The following SLC25A53 variants were observed in gnomAD, a reference collection of about 807,000 sequenced individuals.
SLC25A53 encodes the protein solute carrier family 25 member 53, also known as mitochondrial carrier triple repeat protein 6.
In SLC25A53, 5 loss-of-function variants were observed where a neutral mutation model predicts 15.0. The ratio of observed to expected loss-of-function variants is 0.33; its 90% confidence interval spans 0.17 to 0.70. SLC25A53 has a LOEUF of 0.70. Ranked by LOEUF, SLC25A53 falls within the 30% of genes least tolerant of loss-of-function variation. The pLI is 0.67. For missense variants in SLC25A53, 216 were observed against 241.6 expected, an observed-to-expected ratio of 0.89 and a Z score of 0.70; for synonymous variants, 95 against 100.0, an observed-to-expected ratio of 0.95 and a Z score of 0.30.
In SLC25A53 at chrX:104,106,505, G is replaced by A. The variant is rs781906678; in HGVS notation, c.-31-1217C>T. Among the ~76,000 whole-genome samples the A allele has an allele frequency of 6.3e-5, 7 of 111,065 alleles. No homozygotes were observed. In the South Asian group the frequency reaches 2.7e-3, roughly 43 times the overall value. ...AGGACGGAGGGCTTCCATCTACAGT[G>A]ACAGGGACACAAAGCTTGGCAGGAA... is the stretch of plus-strand genomic sequence containing the variant. On this transcript the variant is annotated intron_variant, in intron 1 of 1. Transcript: ENST00000594199.
chrX:104,152,916 T>C (rs1556370642), intron 1 of SLC25A53, among the ~76,000 whole-genome samples: 1 of 111,488 alleles, frequency 9.0e-6, no homozygotes, highest in Non-Finnish European at 1.9e-5. Context: ...CCTAGCGAGA[T>C]TTGGGATGAA....
chrX:104,120,379 G>T (rs1371641470), intron 1 of SLC25A53, among the ~76,000 whole-genome samples: 1 of 111,708 alleles, frequency 9.0e-6, no homozygotes, highest in Non-Finnish European at 1.9e-5. Flanking sequence ...ACTTGACATT[G>T]TCAACAAAGC....
chrX:104,114,237 G>A, intron 1 of SLC25A53: 1 of 1,208,986 alleles, frequency 8.3e-7, no homozygotes, highest in Non-Finnish European at 1.1e-6. Context: ...AAATGGCAGA[G>A]AGAAACATGA....
chrX:104,127,614 T>A (rs943865161), intron 1 of SLC25A53, among the ~76,000 whole-genome samples: 1 of 112,259 alleles, frequency 8.9e-6, no homozygotes, highest in Non-Finnish European at 1.9e-5. Flanking sequence ...CATGGGACTC[T>A]GTACTTTTGC....
intron 1 of SLC25A53, among the ~76,000 whole-genome samples, chrX:104,121,719 C>A (rs2075393147): frequency 1.9e-5 from 2 of 106,795 alleles, no homozygotes; most frequent in Non-Finnish European, 1.9e-5. Context: ...ATGGAACTTT[C>A]CAAACCCACA....
chrX:104,132,056 T>G (rs1402281328), intron 1 of SLC25A53, among the ~76,000 whole-genome samples: 1 of 112,304 alleles, frequency 8.9e-6, no homozygotes, highest in African/African-American at 3.2e-5. Flanking sequence ...CTAAAAAGCT[T>G]GTCAATTTAT....
intron 1 of SLC25A53, among the ~76,000 whole-genome samples, chrX:104,155,578 T>C (rs1556371226): frequency 9.0e-6 from 1 of 111,683 alleles, no homozygotes; most frequent in African/African-American, 3.3e-5. Flanking sequence ...TTAGGATTTC[T>C]GGTGGGTGCA....
intron 1 of SLC25A53, among the ~76,000 whole-genome samples, chrX:104,124,839 C>CTTTT (rs34662574): frequency 5.3e-4 from 33 of 62,273 alleles, no homozygotes; most frequent in East Asian, 1.3e-3. Context: ...AACTTTTTTC[C>CTTTT]TTTTTTTTTT....
In SLC25A53 at chrX:104,104,841, T is replaced by C; in HGVS notation, c.417A>G (p.Gln139=). The C allele has an allele frequency of 1.7e-6, 2 of 1,211,481 alleles. No individual in the cohort carries two copies. Among genetic ancestry groups the C allele is most frequent in the African/African-American group, 3.5e-5 (2 of 57,661 alleles). Reference sequence around the variant, plus strand: ...GCTTGCGACCATCCTGGAGCACATTTTGCACCCTTTCAAAGGGGCTGAGTG... The same window carrying C: ...GCTTGCGACCATCCTGGAGCACATTCTGCACCCTTTCAAAGGGGCTGAGTG... The part of the protein sequence containing the change: ...AVALSPFERV[Q]NVLQDGRKQA... Residue 139 remains glutamine (Q), a synonymous_variant, in exon 2 of 2, where the codon CAA becomes CAG. Transcript: ENST00000594199.
chrX:104,114,287 A>G, intron 1 of SLC25A53: 2 of 1,210,808 alleles, frequency 1.7e-6, no homozygotes, highest in Non-Finnish European at 2.2e-6. Context: ...CAGGGGAAAG[A>G]AACCTTTGAA....
chrX:104,113,792 G>T, intron 1 of SLC25A53: 1 of 248,652 alleles, frequency 4.0e-6, no homozygotes, highest in Non-Finnish European at 7.1e-6. Flanking sequence ...GATGGATGTG[G>T]CTCTGAAAAA....
intron 1 of SLC25A53, among the ~76,000 whole-genome samples, chrX:104,147,150 A>G (rs143839566): frequency 1.8e-5 from 2 of 111,633 alleles, no homozygotes; most frequent in South Asian, 3.8e-4. Context: ...ATAACGCCGC[A>G]TATCTACAAC....
chrX:104,132,405 A>G lies in SLC25A53; in HGVS notation c.-32+24473T>C, dbSNP rs147129392. Among the ~76,000 whole-genome samples the G allele has an allele frequency of 6.6e-3, 738 of 111,744 alleles. 9 individuals carry two copies. The Middle Eastern group carries it at 0.074, about 11-fold the overall frequency. Reference sequence around the variant, plus strand: ...CTGAACATGCCGTCCTGAAACATCAATTGCATTTAGTGTGATTATAAAAAC... The same window carrying G: ...CTGAACATGCCGTCCTGAAACATCAGTTGCATTTAGTGTGATTATAAAAAC... On this transcript the variant is annotated intron_variant, in intron 1 of 1. Transcript: ENST00000594199.
chrX:104,114,234 A>C lies in SLC25A53; in HGVS notation c.-31-8946T>G, dbSNP rs782295749. ...TCTGTCCTTTAGTGGTCAAAATGGC[A>C]GAGAGAAACATGAAGTTGTTCTCAG... On this transcript the variant is annotated intron_variant, in intron 1 of 1. Transcript: ENST00000594199. The C allele has an allele frequency of 2.2e-5, 26 of 1,206,913 alleles. No homozygotes were observed. In the East Asian group the frequency reaches 7.4e-4, roughly 34 times the overall value.
At chrX:104,153,353 G>C (rs1353860645) in intron 1 of SLC25A53, among the ~76,000 whole-genome samples, 1 of 109,842 alleles carries the variant, frequency 9.1e-6, no homozygotes. Flanking sequence ...CCAATATCAA[G>C]TGCTGTATAT....
chrX:104,110,002 C>A (rs1462678811), intron 1 of SLC25A53, among the ~76,000 whole-genome samples: 1 of 111,614 alleles, frequency 9.0e-6, no homozygotes, highest in African/African-American at 3.3e-5. Flanking sequence ...CCAATTGAAG[C>A]CAGGTTGCAA....
chrX:104,106,944 T>C (rs2075313919), intron 1 of SLC25A53, among the ~76,000 whole-genome samples: 1 of 100,347 alleles, frequency 1.0e-5, no homozygotes, highest in African/African-American at 3.8e-5. Context: ...GCTCCATCCA[T>C]ATCCCCACAA....
chrX:104,138,368 G>A (rs781796003), intron 1 of SLC25A53, among the ~76,000 whole-genome samples: 3 of 112,624 alleles, frequency 2.7e-5, no homozygotes, highest in Admixed American at 9.3e-5. Flanking sequence ...AAGTTCTCTC[G>A]TACCCCTTGC....
chrX:104,114,042 T>C, intron 1 of SLC25A53: 1 of 1,200,168 alleles, frequency 8.3e-7, no homozygotes, highest in Non-Finnish European at 1.1e-6. Context: ...CTTTGGAGAA[T>C]CCTGCAGATA....
Sources: allele counts gnomAD v4.1 joint callset (sites outside exome capture counted in the v4.1 genomes callset), GRCh38; gene constraint gnomAD v4.1.1; transcripts MANE v1.5; gene names NCBI Gene and HGNC (gene_info 2026-07-23, HGNC 2026-07-21).